Variants in PLA1A observed in about 807,000 individuals in gnomAD.
PLA1A encodes phosphatidylserine-specific phospholipase A1alpha.
In PLA1A, 47 loss-of-function variants were observed where a neutral mutation model predicts 49.4. The observed-to-expected ratio is 0.95, with a 90% CI of 0.75 to 1.21. PLA1A has a LOEUF of 1.21. Ranked by LOEUF, PLA1A falls within the 50% of genes most tolerant of loss-of-function variation. The pLI is 0.00. For synonymous variants in PLA1A, 224 were observed against 207.9 expected (o/e 1.08, Z -0.67); for missense variants, 561 against 563.9 (o/e 0.99, Z 0.05).
chr3:119,616,459 T>C (rs113177244), intron 6 of PLA1A, among the ~76,000 whole-genome samples: 1 of 152,248 alleles, frequency 6.6e-6, no homozygotes, highest in Non-Finnish European at 1.5e-5. Context: ...GATGATCTTT[T>C]TGAACACATT....
intron 8 of PLA1A, among the ~76,000 whole-genome samples, chr3:119,623,531 T>C (rs918308522): frequency 6.6e-6 from 1 of 152,090 alleles, no homozygotes; most frequent in Non-Finnish European, 1.5e-5. Context: ...CCAGTCTATG[T>C]TGGCGACACT....
At chr3:119,616,391 C>T (rs2082848747) in intron 6 of PLA1A, among the ~76,000 whole-genome samples, 1 of 152,244 alleles carries the variant, frequency 6.6e-6, no homozygotes, top group Non-Finnish European at 1.5e-5. Context: ...GATCAATTCA[C>T]TGCCCAGCCA....
rs2082793916 is a variant in PLA1A, at chr3:119,613,182, A to T, written c.664+64A>T. On this transcript the variant is annotated intron_variant, in intron 5 of 10. Coordinates refer to ENST00000273371, the MANE Select transcript of PLA1A (RefSeq NM_015900.4). ...TCAAGGCAGCGCCTAGGAGGCTGGC[A>T]TCTAGCTCTGTGGCCCTGGGCAGAG... 25 of 1,107,950 alleles carry T rather than the reference A, an allele frequency of 2.3e-5. 1 individual carries two copies. The South Asian group carries it at 3.4e-4, about 15-fold the overall frequency. 68.6% of individuals were successfully genotyped at this position (1,107,950 alleles called of 1,614,324 possible).
Position 119,629,526 on chromosome 3 carries a change from G to A in PLA1A, c.*58G>A. Reference sequence around the variant, plus strand: ...TTTTTTTTTTTTTTGAGAGAGAGGTGTGATGAGGGATGTGTGTGTGCAGCT... The same window carrying A: ...TTTTTTTTTTTTTTGAGAGAGAGGTATGATGAGGGATGTGTGTGTGCAGCT... On this transcript the variant is annotated 3_prime_UTR_variant, in exon 11 of 11. Coordinates refer to ENST00000273371, the MANE Select transcript of PLA1A (RefSeq NM_015900.4). 3 of 865,298 alleles carry A rather than the reference G, an allele frequency of 3.5e-6. No homozygotes were observed. Among genetic ancestry groups the A allele is most frequent in the Non-Finnish European group, 5.9e-6 (3 of 505,144 alleles). The allele number at this position is 865,298 out of a possible 1,614,324, so 53.6% of individuals were successfully genotyped here. A position where few individuals can be genotyped will look rare whatever the true frequency, so the allele number is the denominator to read the frequency against.
At chr3:119,608,562 C>T (rs1213229479) in intron 2 of PLA1A, among the ~76,000 whole-genome samples, 2 of 152,232 alleles carry the variant, frequency 1.3e-5, no homozygotes, top group East Asian at 3.8e-4. Flanking sequence ...TTATAATTTA[C>T]ACAAAGACTG....
chr3:119,598,140 T>C (rs893604199), intron 1 of PLA1A, among the ~76,000 whole-genome samples, 154 bp downstream of exon 1: 1 of 152,204 alleles, frequency 6.6e-6, no homozygotes, highest in African/African-American at 2.4e-5. Flanking sequence ...AAACCCCTTT[T>C]ATCATAATCG....
intron 2 of PLA1A, among the ~76,000 whole-genome samples, chr3:119,607,898 C>T (rs1036698767): frequency 6.6e-6 from 1 of 152,214 alleles, no homozygotes; most frequent in African/African-American, 2.4e-5. Flanking sequence ...CCTCTGTCCA[C>T]ACGAGTGTGC....
At chr3:119,627,066 C>T (rs1167768324) in intron 9 of PLA1A, among the ~76,000 whole-genome samples, 2 of 150,194 alleles carry the variant, frequency 1.3e-5, no homozygotes, top group Non-Finnish European at 2.9e-5. Context: ...CCAGACCAAT[C>T]ACATCAGGGT....
At chr3:119,600,867 A>T (rs1000980031) in intron 1 of PLA1A, among the ~76,000 whole-genome samples, 1 of 152,202 alleles carries the variant, frequency 6.6e-6, no homozygotes, top group African/African-American at 2.4e-5. Context: ...CATAGTGCTG[A>T]GCTGGTGGCA....
At chr3:119,628,554 G>A in intron 9 of PLA1A, 147 bp from the exon 10 acceptor site, 1 of 620,312 alleles carries the variant, frequency 1.6e-6, no homozygotes, top group Non-Finnish European at 2.9e-6. Context: ...GGCTGGTGAA[G>A]GTGACACAAA....
chr3:119,608,265 A>AAAG (rs1320479539), intron 2 of PLA1A, among the ~76,000 whole-genome samples: 2 of 151,304 alleles, frequency 1.3e-5, no homozygotes, highest in East Asian at 1.9e-4. Flanking sequence ...AGAAAGAAAG[A>AAAG]AAGAAAGAAA....
chr3:119,601,320 T>A (rs555030538), intron 1 of PLA1A, among the ~76,000 whole-genome samples: 15 of 152,282 alleles, frequency 9.9e-5, no homozygotes, highest in Admixed American at 9.8e-4. Flanking sequence ...ATGGGAACCA[T>A]GAGCAGCCCA....
chr3:119,624,570 G>T (rs1249605899), intron 8 of PLA1A, among the ~76,000 whole-genome samples: 1 of 151,738 alleles, frequency 6.6e-6, no homozygotes, highest in Non-Finnish European at 1.5e-5. Context: ...ATGCTTCCTA[G>T]GCACAGGCAC....
chr3:119,618,110 T>G lies in PLA1A; in HGVS notation c.846T>G (p.Cys282Trp). The change falls in exon 7 of 11, where the codon TGT becomes TGG. Residue 282 changes from cysteine to tryptophan, a missense_variant. Cys to Trp is a radical substitution (Grantham distance 215). Transcript: ENST00000273371. ...ENSCPLMAFP[C>W]ASYKAFLAGR... ...CCTGTCCACTGATGGCCTTTCCCTG[T>G]GCCAGCTACAAGGCCTTCCTTGCTG... The G allele has an allele frequency of 3.7e-6, 6 of 1,614,090 alleles. No individual in the cohort carries two copies. Among genetic ancestry groups the G allele is most frequent in the Non-Finnish European group, 5.1e-6 (6 of 1,179,906 alleles).
intron 9 of PLA1A, among the ~76,000 whole-genome samples, chr3:119,628,009 G>C (rs1350134707): frequency 6.6e-6 from 1 of 152,112 alleles, no homozygotes; most frequent in Non-Finnish European, 1.5e-5. Flanking sequence ...AGGGAATCTG[G>C]GGGGGCAAAG....
intron 1 of PLA1A, chr3:119,598,612 C>T (rs9811104): frequency 1.0e-4 from 16 of 152,386 alleles, no homozygotes; most frequent in African/African-American, 3.8e-4. Flanking sequence ...TCTCAGAAGA[C>T]TCCTTCTCAC....
chr3:119,612,923 A>G (rs368083657), intron 4 of PLA1A, 94 bp from the exon 5 acceptor site: 11 of 769,118 alleles, frequency 1.4e-5, no homozygotes, highest in African/African-American at 7.2e-5. Context: ...GGGAGGGTCT[A>G]TGATCTGCAC....
At chr3:119,625,037 T>C (rs1244199305) in intron 8 of PLA1A, 87 bp from the exon 9 acceptor site, 2 of 780,864 alleles carry the variant, frequency 2.6e-6, no homozygotes, top group African/African-American at 3.4e-5. Flanking sequence ...AGAGCCAAGA[T>C]TCCCAACCAC....
At chr3:119,602,699 G>A (rs961381704) in intron 1 of PLA1A, among the ~76,000 whole-genome samples, 2 of 152,082 alleles carry the variant, frequency 1.3e-5, no homozygotes, top group African/African-American at 4.8e-5. Flanking sequence ...TTCTAATGTG[G>A]ACTGACCACT....
Sources: allele counts gnomAD v4.1 joint callset (sites outside exome capture counted in the v4.1 genomes callset), GRCh38; gene constraint gnomAD v4.1.1; transcripts MANE v1.5; gene names NCBI Gene and HGNC (gene_info 2026-07-23, HGNC 2026-07-21).